Variants in AGBL1 observed in about 807,000 individuals in gnomAD.
The protein encoded by AGBL1 is cytosolic carboxypeptidase 4.
AGBL1 carries 130 observed loss-of-function variants against 118.9 expected under a neutral mutation model. The observed-to-expected ratio is 1.09, with a 90% CI of 0.95 to 1.26. AGBL1 has a LOEUF of 1.26. AGBL1 is among the 50% of genes most tolerant of loss of function. The pLI, the probability that AGBL1 is intolerant of heterozygous loss-of-function variation, is 0.00. For missense variants in AGBL1, 1,584 were observed against 1,298.1 expected (o/e 1.22, Z -3.38); for synonymous variants, 555 against 478.9 (o/e 1.16, Z -2.08).
intron 1 of AGBL1, among the ~76,000 whole-genome samples, chr15:86,122,371 T>A (rs1898141547): frequency 6.6e-6 from 1 of 152,234 alleles, no homozygotes; most frequent in Non-Finnish European, 1.5e-5. Flanking sequence ...GTATAGATAC[T>A]GCCCCTCCAA....
intron 22 of AGBL1, among the ~76,000 whole-genome samples, chr15:86,695,425 G>A (rs1178538299): frequency 6.6e-6 from 1 of 151,954 alleles, no homozygotes; most frequent in Non-Finnish European, 1.5e-5. Context: ...TATTTCTGTG[G>A]TGTCAGTTGT....
At chr15:86,177,207 G>T (rs1308886744) in intron 5 of AGBL1, among the ~76,000 whole-genome samples, 1 of 152,150 alleles carries the variant, frequency 6.6e-6, no homozygotes, top group Non-Finnish European at 1.5e-5. Flanking sequence ...GGTATAAAAA[G>T]GTAATTCCGT....
intron 22 of AGBL1, among the ~76,000 whole-genome samples, chr15:86,722,750 T>C (rs1467445823): frequency 2.0e-5 from 3 of 152,128 alleles, no homozygotes; most frequent in East Asian, 3.9e-4. Flanking sequence ...AGTTTTGCAA[T>C]CTACTCATCT....
intron 22 of AGBL1, among the ~76,000 whole-genome samples, chr15:86,713,635 G>C (rs1486626786): frequency 6.6e-6 from 1 of 152,178 alleles, no homozygotes. Context: ...AGACAGAACT[G>C]TGCCCCAATA....
chr15:86,709,331 T>G (rs1359381563), intron 22 of AGBL1, among the ~76,000 whole-genome samples: 1 of 114,780 alleles, frequency 8.7e-6, no homozygotes, highest in East Asian at 2.7e-4. Flanking sequence ...TGTCTTATGT[T>G]TAGGAGGAAT....
chr15:86,417,624 C>T (rs76178065), intron 18 of AGBL1, among the ~76,000 whole-genome samples: 1 of 152,134 alleles, frequency 6.6e-6, no homozygotes, highest in Admixed American at 6.5e-5. Context: ...GAAAGGGGAC[C>T]TAATTTGGTC....
chr15:86,666,480 A>T (rs1011281253), intron 21 of AGBL1, among the ~76,000 whole-genome samples: 15 of 152,096 alleles, frequency 9.9e-5, no homozygotes, highest in African/African-American at 3.6e-4. Context: ...AAATGAAGAT[A>T]ATGTGATTAT....
Position 86,910,411 on chromosome 15 carries a change from C to G in AGBL1, c.*3117C>G, listed in dbSNP as rs1192417097. 5 of 152,102 alleles carry G rather than the reference C, an allele frequency of 3.3e-5. No individual in the cohort carries two copies. Among genetic ancestry groups the G allele is most frequent in the Non-Finnish European group, 7.4e-5 (5 of 68,018 alleles). The allele number at this position is 152,102 out of a possible 1,614,324, so 9.4% of individuals were successfully genotyped here. Reference sequence around the variant, plus strand: ...TCAGATAAAGCTGCATTTGGCATTCCTTGATGAAAAGGCTGAATTTAATTC... The same window carrying G: ...TCAGATAAAGCTGCATTTGGCATTCGTTGATGAAAAGGCTGAATTTAATTC... On this transcript the variant is annotated 3_prime_UTR_variant, in exon 23 of 23. Coordinates refer to ENST00000614907, the MANE Select transcript of AGBL1 (RefSeq NM_001386094.1).
chr15:86,654,154 C>T (rs768275045), intron 21 of AGBL1, among the ~76,000 whole-genome samples: 4 of 151,996 alleles, frequency 2.6e-5, no homozygotes, highest in Admixed American at 6.6e-5. Flanking sequence ...CCAAGCAGAT[C>T]ATGTACCTGA....
intron 18 of AGBL1, among the ~76,000 whole-genome samples, chr15:86,520,002 C>G (rs553712321): frequency 6.6e-6 from 1 of 152,224 alleles, no homozygotes; most frequent in South Asian, 2.1e-4. Flanking sequence ...CTGCCTCTAC[C>G]CTTAGGTGTG....
At chr15:86,411,127 G>A (rs923718723) in intron 18 of AGBL1, among the ~76,000 whole-genome samples, 13 of 151,092 alleles carry the variant, frequency 8.6e-5, no homozygotes, top group Non-Finnish European at 4.4e-5. Context: ...CTGGCACCTT[G>A]GAATGGAGAA....
At chr15:86,794,312 C>G (rs879695373) in intron 22 of AGBL1, among the ~76,000 whole-genome samples, 1 of 152,006 alleles carries the variant, frequency 6.6e-6, no homozygotes, top group Non-Finnish European at 1.5e-5. Flanking sequence ...ATGGGTGAAC[C>G]TCAAAACCAT....
At chr15:86,087,006 C>T (rs1188946334) in intron 1 of AGBL1, among the ~76,000 whole-genome samples, 2 of 152,156 alleles carry the variant, frequency 1.3e-5, no homozygotes, top group Admixed American at 6.5e-5. Flanking sequence ...TGCTAGGGTG[C>T]ACCTATGTTC....
intron 18 of AGBL1, among the ~76,000 whole-genome samples, chr15:86,416,949 A>G (rs1198996258): frequency 2.0e-5 from 3 of 152,224 alleles, no homozygotes; most frequent in African/African-American, 7.2e-5. Flanking sequence ...CTCTTGGACA[A>G]AGATCTTATC....
At chr15:86,985,118 T>C (rs534608417) in intron 23 of AGBL1, among the ~76,000 whole-genome samples, 2 of 151,996 alleles carry the variant, frequency 1.3e-5, no homozygotes, top group South Asian at 4.2e-4. Flanking sequence ...AGATATGCTA[T>C]ATTGTGTTTT....
intron 24 of AGBL1, among the ~76,000 whole-genome samples, chr15:87,023,331 T>C (rs961641293): frequency 6.6e-6 from 1 of 152,056 alleles, no homozygotes; most frequent in Non-Finnish European, 1.5e-5. Context: ...GGAGTAGCTA[T>C]AGTTATGTAA....
intron 18 of AGBL1, among the ~76,000 whole-genome samples, chr15:86,409,153 C>T (rs138832491): frequency 2.6e-5 from 4 of 152,126 alleles, no homozygotes; most frequent in Admixed American, 6.5e-5. Context: ...ATCCGCAATG[C>T]GTCTTCAGAC....
At chr15:86,592,556 A>G (rs1319269974) in intron 21 of AGBL1, among the ~76,000 whole-genome samples, 1 of 152,156 alleles carries the variant, frequency 6.6e-6, no homozygotes, top group African/African-American at 2.4e-5. Context: ...GCCTGCCAGC[A>G]CTTGGGAGGG....
intron 17 of AGBL1, among the ~76,000 whole-genome samples, chr15:86,330,412 A>G (rs1296405133): frequency 6.6e-6 from 1 of 152,226 alleles, no homozygotes; most frequent in Non-Finnish European, 1.5e-5. Flanking sequence ...AGCATTTTCT[A>G]CGGTCACATT....
Sources: allele counts gnomAD v4.1 joint callset (sites outside exome capture counted in the v4.1 genomes callset), GRCh38; gene constraint gnomAD v4.1.1; transcripts MANE v1.5; gene names NCBI Gene and HGNC (gene_info 2026-07-23, HGNC 2026-07-21).